RAB22A: variants seen among roughly 807,000 people sequenced by gnomAD.
The protein encoded by RAB22A is ras-related protein Rab-22A.
A neutral mutation model predicts 30.2 loss-of-function variants in RAB22A; 13 were observed. That is an observed-to-expected ratio of 0.43 (90% CI 0.28 to 0.68). The LOEUF (loss-of-function observed/expected upper bound fraction) is 0.68, where lower values mean the gene tolerates loss of function less well. Ranked by LOEUF, RAB22A falls within the 30% of genes least tolerant of loss-of-function variation. The pLI is 0.18. For synonymous variants in RAB22A, 89 were observed against 87.2 expected, an observed-to-expected ratio of 1.02 and a Z score of -0.11; for missense variants, 177 against 246.8, an observed-to-expected ratio of 0.72 and a Z score of 1.89.
At chr20:58,342,844 A>G (rs1026061018) in intron 2 of RAB22A, among the ~76,000 whole-genome samples, 7 of 152,022 alleles carry the variant, frequency 4.6e-5, no homozygotes, top group African/African-American at 1.2e-4. Flanking sequence ...GCTGGGCCCA[A>G]TCCCAGGGCA....
chr20:58,356,443 A>G (rs918693173), intron 6 of RAB22A, among the ~76,000 whole-genome samples: 2 of 152,224 alleles, frequency 1.3e-5, no homozygotes, highest in African/African-American at 4.8e-5. Flanking sequence ...AAAAATTGGG[A>G]GAGATGTACA....
At chr20:58,312,408 A>G (rs1600720977) in intron 2 of RAB22A, among the ~76,000 whole-genome samples, 1 of 131,508 alleles carries the variant, frequency 7.6e-6, no homozygotes, top group African/African-American at 2.9e-5. Flanking sequence ...ACACTATCAC[A>G]CCTGGCTAAA....
intron 3 of RAB22A, among the ~76,000 whole-genome samples, chr20:58,347,848 C>G (rs1986978011): frequency 6.6e-6 from 1 of 152,188 alleles, no homozygotes; most frequent in African/African-American, 2.4e-5. Flanking sequence ...ACAGACACAA[C>G]ACATATATTA....
At chr20:58,352,833 ACAAT>A (rs1462245945) in intron 3 of RAB22A, among the ~76,000 whole-genome samples, 2 of 152,218 alleles carry the variant, frequency 1.3e-5, no homozygotes, top group African/African-American at 2.4e-5. Context: ...TTTCTGAAGG[ACAAT>A]CAGTGTTCAG....
At chr20:58,317,080 A>G (rs896644945) in intron 2 of RAB22A, among the ~76,000 whole-genome samples, 1 of 152,078 alleles carries the variant, frequency 6.6e-6, no homozygotes, top group African/African-American at 2.4e-5. Context: ...TAGCTAGTTA[A>G]CCCTGGGCAG....
chr20:58,326,234 T>G (rs1428892674), intron 2 of RAB22A, among the ~76,000 whole-genome samples: 1 of 152,160 alleles, frequency 6.6e-6, no homozygotes, highest in Non-Finnish European at 1.5e-5. Flanking sequence ...AGATTCCATA[T>G]AAGTACCATC....
intron 2 of RAB22A, among the ~76,000 whole-genome samples, chr20:58,315,290 C>G (rs1986313703): frequency 6.6e-6 from 1 of 152,166 alleles, no homozygotes; most frequent in African/African-American, 2.4e-5. Context: ...CCTCGGACAC[C>G]TCACCTTCAC....
intron 3 of RAB22A, among the ~76,000 whole-genome samples, chr20:58,350,102 G>GA (rs1041981670): frequency 0.03 from 4,462 of 146,528 alleles, 215 homozygotes; most frequent in African/African-American, 0.1. Flanking sequence ...TCTCTTAAGG[G>GA]AAAAAAAAAA....
chr20:58,328,600 A>G (rs1600728737), intron 2 of RAB22A, among the ~76,000 whole-genome samples: 1 of 152,150 alleles, frequency 6.6e-6, no homozygotes, highest in Non-Finnish European at 1.5e-5. Flanking sequence ...ACAACTGGCT[A>G]TTTGAGGTTT....
At chr20:58,329,318 G>T (rs1986624458) in intron 2 of RAB22A, among the ~76,000 whole-genome samples, 1 of 152,176 alleles carries the variant, frequency 6.6e-6, no homozygotes, top group African/African-American at 2.4e-5. Flanking sequence ...ATCCCAAAGT[G>T]CTGGGATTAC....
chr20:58,333,797 A>T (rs540108657), intron 2 of RAB22A, among the ~76,000 whole-genome samples: 6 of 152,314 alleles, frequency 3.9e-5, no homozygotes, highest in African/African-American at 7.2e-5. Context: ...GCTCACACTT[A>T]TAATCCCAGT....
At chr20:58,312,440 T>G (rs550272882) in intron 2 of RAB22A, among the ~76,000 whole-genome samples, 76 of 147,012 alleles carry the variant, frequency 5.2e-4, no homozygotes, top group African/African-American at 1.9e-3. Flanking sequence ...TTAGTAGAGA[T>G]AGAGTTGCAC....
At chr20:58,350,533 G>A (rs867360689) in intron 3 of RAB22A, among the ~76,000 whole-genome samples, 3 of 152,268 alleles carry the variant, frequency 2.0e-5, no homozygotes, top group South Asian at 2.1e-4. Context: ...AGAAAATCTT[G>A]AATGCACCCA....
At chr20:58,329,949 G>A (rs1243515536) in intron 2 of RAB22A, among the ~76,000 whole-genome samples, 6 of 152,162 alleles carry the variant, frequency 3.9e-5, no homozygotes, top group Admixed American at 2.6e-4. Context: ...AGTATCTGGG[G>A]GGGAAGAGTC....
In RAB22A at chr20:58,359,631, C is replaced by A; in HGVS notation, c.513C>A (p.Ala171=). Residue 171 remains alanine (A), a synonymous_variant, in exon 7 of 7, where the codon GCC becomes GCA. Coordinates refer to ENST00000244040, the MANE Select transcript of RAB22A (RefSeq NM_020673.3). ...EISRRIPSTD[A]NLPSGGKGFK... ...GTCGAAGAATTCCATCCACTGACGC[C>A]AACCTGCCATCTGGCGGTAAGGGCT... The A allele has an allele frequency of 6.2e-7, 1 of 1,612,006 alleles. No homozygotes were observed. Among genetic ancestry groups the A allele is most frequent in the South Asian group, 1.1e-5 (1 of 90,944 alleles).
At chr20:58,333,755 A>T (rs529422452) in intron 2 of RAB22A, among the ~76,000 whole-genome samples, 1 of 152,316 alleles carries the variant, frequency 6.6e-6, no homozygotes, top group East Asian at 1.9e-4. Context: ...AAAATCCAAC[A>T]CAAGACATAA....
rs3787151 is a variant in RAB22A at position 58,316,413 on chromosome 20, G to A, written c.116+5291G>A. 2.6e-5 allele frequency among the ~76,000 whole-genome samples: 4 copies of A among 152,282 alleles called. No individual in the cohort carries two copies. In the East Asian group the frequency reaches 5.8e-4, roughly 22 times the overall value. Reference sequence around the variant, plus strand: ...TTTGTCTCCTCTTGCTTGATGTCATGTAACTCCAGTTGCAACCACAGCAGG... The same window carrying A: ...TTTGTCTCCTCTTGCTTGATGTCATATAACTCCAGTTGCAACCACAGCAGG... On this transcript the variant is annotated intron_variant, in intron 2 of 6. Coordinates refer to ENST00000244040, the MANE Select transcript of RAB22A (RefSeq NM_020673.3).
At chr20:58,352,572 A>G (rs1987070485) in intron 3 of RAB22A, among the ~76,000 whole-genome samples, 2 of 152,222 alleles carry the variant, frequency 1.3e-5, no homozygotes, top group Admixed American at 6.5e-5. Flanking sequence ...ATTGAGAGAA[A>G]TAGCTCACTG....
chr20:58,353,779 A>G (rs957008792), intron 5 of RAB22A, among the ~76,000 whole-genome samples: 2 of 152,218 alleles, frequency 1.3e-5, no homozygotes, highest in African/African-American at 4.8e-5. Flanking sequence ...TGCATCCAAC[A>G]TTATCTGAGA....
Sources: gnomAD v4.1 joint callset for allele counts (sites outside exome capture counted in the v4.1 genomes callset) on GRCh38, gnomAD v4.1.1 for gene constraint, MANE v1.5 for transcripts, NCBI Gene and HGNC (gene_info 2026-07-23, HGNC 2026-07-21) for gene names.